The following RAD51B variants were observed in gnomAD, a reference collection of about 807,000 sequenced individuals.
The protein encoded by RAD51B is DNA repair protein RAD51 homolog 2.
A neutral mutation model predicts 42.2 loss-of-function variants in RAD51B; 38 were observed. The ratio of observed to expected loss-of-function variants is 0.90; its 90% confidence interval spans 0.70 to 1.18. RAD51B has a LOEUF of 1.18. Ranked by LOEUF, RAD51B falls within the 50% of genes most tolerant of loss-of-function variation. The pLI, the probability that RAD51B is intolerant of heterozygous loss-of-function variation, is 0.00. For synonymous variants in RAD51B, 154 were observed against 145.2 expected, an observed-to-expected ratio of 1.06 and a Z score of -0.43; for missense variants, 373 against 400.7, an observed-to-expected ratio of 0.93 and a Z score of 0.59.
chr14:68,116,755 T>C (rs918919996), intron 7 of RAD51B, among the ~76,000 whole-genome samples: 2 of 152,222 alleles, frequency 1.3e-5, no homozygotes, highest in African/African-American at 4.8e-5. Context: ...TGTTTATTCC[T>C]AGTTCTATGT....
At chr14:68,112,045 G>T (rs1365851363) in intron 7 of RAD51B, among the ~76,000 whole-genome samples, 1 of 151,998 alleles carries the variant, frequency 6.6e-6, no homozygotes, top group African/African-American at 2.4e-5. Context: ...TCTCTGCCAG[G>T]CCCTCCAGCA....
chr14:68,216,894 C>T (rs948547107), intron 7 of RAD51B, among the ~76,000 whole-genome samples: 1 of 152,148 alleles, frequency 6.6e-6, no homozygotes. Flanking sequence ...TACTATTTGC[C>T]TCAAACAATC....
intron 7 of RAD51B, among the ~76,000 whole-genome samples, chr14:67,995,821 G>A (rs2075373943): frequency 6.6e-6 from 1 of 151,866 alleles, no homozygotes; most frequent in Non-Finnish European, 1.5e-5. Context: ...GTTTCACCGT[G>A]TTAACCAGGA....
intron 7 of RAD51B, among the ~76,000 whole-genome samples, chr14:67,975,086 A>G (rs192554699): frequency 6.6e-6 from 1 of 152,200 alleles, no homozygotes; most frequent in Admixed American, 6.5e-5. Flanking sequence ...AGCCGCTTTA[A>G]ACAATGAACA....
intron 8 of RAD51B, among the ~76,000 whole-genome samples, chr14:68,337,374 C>T (rs1219775679): frequency 6.6e-6 from 1 of 152,216 alleles, no homozygotes; most frequent in African/African-American, 2.4e-5. Flanking sequence ...AACCTTAAAT[C>T]TCTTTTCAGG....
At chr14:68,140,779 C>T (rs1292654152) in intron 7 of RAD51B, among the ~76,000 whole-genome samples, 2 of 152,170 alleles carry the variant, frequency 1.3e-5, no homozygotes, top group African/African-American at 4.8e-5. Flanking sequence ...TGAGTTGTCT[C>T]AATTTCTGGT....
chr14:68,005,831 G>C (rs947822707), intron 7 of RAD51B, among the ~76,000 whole-genome samples: 2 of 152,170 alleles, frequency 1.3e-5, no homozygotes, highest in Non-Finnish European at 2.9e-5. Flanking sequence ...TCCATAGGCT[G>C]TACAGGAAGC....
chr14:68,602,768 C>T (rs1407822022), intron 10 of RAD51B, among the ~76,000 whole-genome samples: 1 of 152,136 alleles, frequency 6.6e-6, no homozygotes, highest in Admixed American at 6.5e-5. Flanking sequence ...ACCTTCACAG[C>T]AACACCTAGC....
At chr14:68,188,365 T>A (rs2079198315) in intron 7 of RAD51B, among the ~76,000 whole-genome samples, 1 of 147,008 alleles carries the variant, frequency 6.8e-6, no homozygotes. Flanking sequence ...CCTCCTCCTT[T>A]CTCCCCTTCT....
Position 67,920,898 on chromosome 14 carries a change from A to C in RAD51B, c.756+33694A>C, listed in dbSNP as rs574343579. 1.4e-4 allele frequency among the ~76,000 whole-genome samples: 21 copies of C among 152,372 alleles called. No individual in the cohort carries two copies. In the South Asian group the frequency reaches 4.4e-3, roughly 32 times the overall value. ...ATAAAGAGAGAAGGCTATCTTAAGA[A>C]AAATATGTAGTAAGAAGAAAGAAAT... is the stretch of plus-strand genomic sequence containing the variant. On this transcript the variant is annotated intron_variant, in intron 7 of 10. Transcript: ENST00000471583.
intron 11 of RAD51B, among the ~76,000 whole-genome samples, chr14:68,660,669 C>T (rs533009181): frequency 6.6e-5 from 10 of 152,274 alleles, no homozygotes; most frequent in African/African-American, 2.2e-4. Flanking sequence ...AGTGGGAACA[C>T]ACAGGAAATG....
At chr14:68,147,764 G>A (rs1193644672) in intron 7 of RAD51B, among the ~76,000 whole-genome samples, 1 of 148,102 alleles carries the variant, frequency 6.8e-6, no homozygotes, top group African/African-American at 2.5e-5. Context: ...ATTATTGTGA[G>A]AGTGAAACAT....
intron 10 of RAD51B, among the ~76,000 whole-genome samples, chr14:68,501,613 C>A (rs1328283394): frequency 1.3e-5 from 2 of 152,234 alleles, no homozygotes; most frequent in African/African-American, 2.4e-5. Flanking sequence ...GGCCCTGGAG[C>A]AGCTGAGGTA....
At chr14:68,355,109 AATGGGAGCTCCC>A (rs1451055144) in intron 8 of RAD51B, among the ~76,000 whole-genome samples, 12 of 152,212 alleles carry the variant, frequency 7.9e-5, no homozygotes, top group Non-Finnish European at 1.6e-4. Context: ...GCAGCCGCCC[AATGGGAGCTCCC>A]ATACTGTAGA....
At chr14:68,123,764 C>A (rs967803778) in intron 7 of RAD51B, among the ~76,000 whole-genome samples, 7 of 152,058 alleles carry the variant, frequency 4.6e-5, no homozygotes, top group Non-Finnish European at 1.0e-4. Flanking sequence ...GCCGAGATTG[C>A]GCCACTGCAC....
intron 10 of RAD51B, among the ~76,000 whole-genome samples, chr14:68,501,004 T>C (rs1181721135): frequency 6.6e-6 from 1 of 152,172 alleles, no homozygotes; most frequent in Non-Finnish European, 1.5e-5. Flanking sequence ...TCCCTGTGCC[T>C]CTCACAGTCA....
chr14:68,593,134 C>G (rs1348598077), intron 10 of RAD51B, among the ~76,000 whole-genome samples: 2 of 152,244 alleles, frequency 1.3e-5, no homozygotes, highest in African/African-American at 4.8e-5. Flanking sequence ...TTATTCCCGC[C>G]TGCAGCATGG....
intron 10 of RAD51B, among the ~76,000 whole-genome samples, chr14:68,587,717 G>C (rs1890556176): frequency 6.6e-6 from 1 of 152,102 alleles, no homozygotes; most frequent in Non-Finnish European, 1.5e-5. Context: ...GCCTCCGCCA[G>C]CCTTTGCTAC....
chr14:67,898,324 A>C (rs2043491910), intron 7 of RAD51B, among the ~76,000 whole-genome samples: 1 of 152,246 alleles, frequency 6.6e-6, no homozygotes, highest in Admixed American at 6.5e-5. Flanking sequence ...GATAAGCCAG[A>C]CAGAGAAGAA....
Sources: gnomAD v4.1 joint callset for allele counts (sites outside exome capture counted in the v4.1 genomes callset) on GRCh38, gnomAD v4.1.1 for gene constraint, MANE v1.5 for transcripts, NCBI Gene and HGNC (gene_info 2026-07-23, HGNC 2026-07-21) for gene names.